The following SORCS3 variants were observed in gnomAD, a reference collection of about 807,000 sequenced individuals.
SORCS3 encodes VPS10 domain-containing receptor SorCS3.
In SORCS3, 57 loss-of-function variants were observed where a neutral mutation model predicts 146.3. The ratio of observed to expected loss-of-function variants is 0.39; its 90% confidence interval spans 0.31 to 0.49. The LOEUF is 0.49. Among genes scored for constraint, SORCS3 ranks in the 20% least tolerant of loss-of-function variants. The pLI, the probability that SORCS3 is intolerant of heterozygous loss-of-function variation, is 0.92. For synonymous variants in SORCS3, 653 were observed against 618.5 expected, an observed-to-expected ratio of 1.06 and a Z score of -0.83; for missense variants, 1,341 against 1,575.5, an observed-to-expected ratio of 0.85 and a Z score of 2.52.
chr10:104,780,439 T>C (rs1412031542), intron 1 of SORCS3, among the ~76,000 whole-genome samples: 5 of 152,180 alleles, frequency 3.3e-5, no homozygotes, highest in African/African-American at 1.2e-4. Context: ...GAACCACGCA[T>C]ACTCGGCCCC....
intron 6 of SORCS3, among the ~76,000 whole-genome samples, chr10:105,102,381 A>G (rs1037959372): frequency 1.3e-5 from 2 of 152,224 alleles, no homozygotes; most frequent in Admixed American, 6.5e-5. Flanking sequence ...CTTTGCAGCA[A>G]CATGGATGGA....
At chr10:104,920,378 A>G (rs1050956310) in intron 3 of SORCS3, among the ~76,000 whole-genome samples, 48 of 152,246 alleles carry the variant, frequency 3.2e-4, no homozygotes, top group African/African-American at 1.1e-3. Flanking sequence ...AAATACTGAT[A>G]GTTAATTAAC....
intron 20 of SORCS3, among the ~76,000 whole-genome samples, chr10:105,224,698 C>A (rs141618379): frequency 5.8e-4 from 89 of 152,244 alleles, no homozygotes; most frequent in Non-Finnish European, 1.0e-3. Context: ...TTTTGGATTT[C>A]CACCACCAAT....
At chr10:104,968,691 A>G (rs886346062) in intron 3 of SORCS3, among the ~76,000 whole-genome samples, 1 of 152,204 alleles carries the variant, frequency 6.6e-6, no homozygotes, top group Non-Finnish European at 1.5e-5. Flanking sequence ...AGAACTCATG[A>G]TATCTAAACA....
intron 1 of SORCS3, among the ~76,000 whole-genome samples, chr10:104,719,766 C>T (rs142067856): frequency 5.0e-4 from 76 of 152,206 alleles, no homozygotes; most frequent in East Asian, 1.7e-3. Flanking sequence ...CTTCATGTGA[C>T]GGTAATTTCT....
intron 8 of SORCS3, among the ~76,000 whole-genome samples, chr10:105,142,521 C>G (rs929816332): frequency 3.3e-5 from 5 of 152,116 alleles, no homozygotes; most frequent in African/African-American, 1.2e-4. Context: ...TTTCCTCAAG[C>G]CCCTGAACTT....
chr10:105,180,610 A>G (rs2056437167), intron 14 of SORCS3, among the ~76,000 whole-genome samples: 1 of 152,206 alleles, frequency 6.6e-6, no homozygotes, highest in Non-Finnish European at 1.5e-5. Flanking sequence ...GTTTTCTTAA[A>G]ACCCATGGAG....
intron 16 of SORCS3, among the ~76,000 whole-genome samples, chr10:105,209,255 C>T (rs2056620654): frequency 6.6e-6 from 1 of 152,074 alleles, no homozygotes; most frequent in Non-Finnish European, 1.5e-5. Flanking sequence ...GATTCTCCTT[C>T]CAAGCCTCCC....
chr10:104,724,722 C>T (rs1035573230), intron 1 of SORCS3, among the ~76,000 whole-genome samples: 1 of 152,134 alleles, frequency 6.6e-6, no homozygotes, highest in Non-Finnish European at 1.5e-5. Flanking sequence ...TCATTTCATT[C>T]ATTTGATCTT....
chr10:104,771,366 A>G (rs1168274148), intron 1 of SORCS3, among the ~76,000 whole-genome samples: 1 of 152,182 alleles, frequency 6.6e-6, no homozygotes, highest in Non-Finnish European at 1.5e-5. Flanking sequence ...TGTGAGAAAG[A>G]TGGGCCCCTG....
chr10:104,857,906 G>C (rs1333827987), intron 2 of SORCS3, among the ~76,000 whole-genome samples: 1 of 152,158 alleles, frequency 6.6e-6, no homozygotes, highest in Admixed American at 6.5e-5. Context: ...TGAGGATCTG[G>C]GCGGTCGGTA....
chr10:104,942,078 G>A (rs994236302), intron 3 of SORCS3, among the ~76,000 whole-genome samples: 3 of 152,122 alleles, frequency 2.0e-5, no homozygotes, highest in African/African-American at 7.2e-5. Context: ...AAAATATCTT[G>A]TATTCACTGG....
At chr10:104,971,679 A>G (rs538741623) in intron 3 of SORCS3, among the ~76,000 whole-genome samples, 33 of 152,328 alleles carry the variant, frequency 2.2e-4, no homozygotes, top group African/African-American at 7.9e-4. Flanking sequence ...TTTCAAAAGG[A>G]AAAGGAAAAG....
intron 1 of SORCS3, among the ~76,000 whole-genome samples, chr10:104,745,435 A>G (rs2016896244): frequency 6.6e-6 from 1 of 152,224 alleles, no homozygotes; most frequent in Non-Finnish European, 1.5e-5. Context: ...AAAGCGGTAC[A>G]TATTTTAAGT....
rs2018195100 is a variant in SORCS3, at chr10:104,845,638, C to G, written c.695+2779C>G. The stretch of plus-strand genomic sequence containing the variant: ...ACCAAGCGGGTGTAGTCTGTATTCT[C>G]TAGGAATTAGCAGAGATCTTTGAGG... On this transcript the variant is annotated intron_variant, in intron 2 of 26. Coordinates refer to ENST00000369701, the MANE Select transcript of SORCS3 (RefSeq NM_014978.3). Among the ~76,000 whole-genome samples the G allele has an allele frequency of 2.0e-5, 3 of 152,138 alleles. No homozygotes were observed. In the South Asian group the frequency reaches 6.2e-4, roughly 32 times the overall value.
chr10:104,932,078 G>T (rs2019213984), intron 3 of SORCS3, among the ~76,000 whole-genome samples: 1 of 152,148 alleles, frequency 6.6e-6, no homozygotes, highest in African/African-American at 2.4e-5. Context: ...CCTGGTCTCA[G>T]CCGCCCTGCC....
Position 105,117,043 on chromosome 10 carries a change from TA to T in SORCS3, c.1212+11539del, listed in dbSNP as rs948810297. On this transcript the variant is annotated intron_variant, in intron 7 of 26. Coordinates refer to ENST00000369701, the MANE Select transcript of SORCS3 (RefSeq NM_014978.3). ...TGTACCCTGAACCTAAAATAAAAGT[TA>T]AAAAAAAAAACAAAACTAATGGATC... 1.5e-3 allele frequency among the ~76,000 whole-genome samples: 219 copies of T among 144,200 alleles called. 1 individual carries two copies. Among genetic ancestry groups the T allele is most frequent in the Non-Finnish European group, 2.1e-3 (134 of 65,240 alleles). 94.6% of individuals were successfully genotyped at this position (144,200 alleles called of 152,430 possible). A position where few individuals can be genotyped will look rare whatever the true frequency, so the allele number is the denominator to read the frequency against.
At position 105,003,998 on chromosome 10, in the gene SORCS3, C is replaced by CTTTTTTTTTTTTT. The variant is rs35604992; in HGVS notation, c.954+26506_954+26507insTTTTTTTTTTTTT. Among the ~76,000 whole-genome samples, 450 of 135,952 alleles carry CTTTTTTTTTTTTT rather than the reference C, an allele frequency of 3.3e-3. 16 individuals are homozygous for CTTTTTTTTTTTTT. Among genetic ancestry groups the CTTTTTTTTTTTTT allele is most frequent in the African/African-American group, 0.01 (348 of 34,190 alleles). 89.2% of individuals were successfully genotyped at this position (135,952 alleles called of 152,430 possible). A position where few individuals can be genotyped will look rare whatever the true frequency, so the allele number is the denominator to read the frequency against. ...TTCCCCTCCTTTTTTTCTCTTCTCT[C>CTTTTTTTTTTTTT]TCTTTTTTTTTTTTTTACCAGAGAA... On this transcript the variant is annotated intron_variant, in intron 4 of 26. Coordinates refer to ENST00000369701, the MANE Select transcript of SORCS3 (RefSeq NM_014978.3).
At chr10:104,825,873 A>G (rs1189438107) in intron 1 of SORCS3, among the ~76,000 whole-genome samples, 7 of 151,990 alleles carry the variant, frequency 4.6e-5, no homozygotes, top group Non-Finnish European at 1.0e-4. Flanking sequence ...ACAACCCCCC[A>G]CTATTCAACA....
Sources: gnomAD v4.1 joint callset for allele counts (sites outside exome capture counted in the v4.1 genomes callset) on GRCh38, gnomAD v4.1.1 for gene constraint, MANE v1.5 for transcripts, NCBI Gene and HGNC (gene_info 2026-07-23, HGNC 2026-07-21) for gene names.